The following AFAP1 variants were observed in gnomAD, a reference collection of about 807,000 sequenced individuals.
AFAP1 encodes the protein actin filament associated protein 1, also known as actin filament-associated protein 1.
In AFAP1, 75 loss-of-function variants were observed where a neutral mutation model predicts 93.9. That is an observed-to-expected ratio of 0.80 (90% confidence interval 0.66 to 0.97). The LOEUF is 0.97. Ranked by LOEUF, AFAP1 falls within the 50% of genes least tolerant of loss-of-function variation. The pLI is 0.00. For missense variants in AFAP1, 1,201 were observed against 1,050.8 expected (o/e 1.14, Z -1.98); for synonymous variants, 517 against 430.7 (o/e 1.20, Z -2.48).
intron 9 of AFAP1, among the ~76,000 whole-genome samples, chr4:7,805,912 T>C (rs1379485814): frequency 1.3e-5 from 2 of 152,180 alleles, no homozygotes; most frequent in African/African-American, 4.8e-5. Context: ...AACTTCCATC[T>C]GGTGGCCTGG....
At chr4:7,925,369 G>C (rs932879560) in intron 1 of AFAP1, among the ~76,000 whole-genome samples, 4 of 152,194 alleles carry the variant, frequency 2.6e-5, no homozygotes, top group Non-Finnish European at 4.4e-5. Flanking sequence ...CAAGGGCCTT[G>C]AAGTCAAACT....
At chr4:7,785,706 G>A (rs529552084) in intron 12 of AFAP1, among the ~76,000 whole-genome samples, 1 of 152,190 alleles carries the variant, frequency 6.6e-6, no homozygotes, top group Non-Finnish European at 1.5e-5. Flanking sequence ...AAAGTCTGAG[G>A]TGGGAGGATC....
chr4:7,819,097 C>G lies in AFAP1; in HGVS notation c.801G>C (p.Val267=). The G allele has an allele frequency of 6.2e-7, 1 of 1,613,324 alleles. No individual in the cohort carries two copies. Among genetic ancestry groups the G allele is most frequent in the Non-Finnish European group, 8.5e-7 (1 of 1,179,656 alleles). Reference sequence around the variant, plus strand: ...TTACCTTCTCCAGTTCTGCCTTGTGCACCGGGGAGCTTGGTGGAGGAGGAC... The same window carrying G: ...TTACCTTCTCCAGTTCTGCCTTGTGGACCGGGGAGCTTGGTGGAGGAGGAC... The part of the protein sequence containing the change: ...SECPPPPSSP[V]HKAELEKKLS... The change falls in exon 7 of 18, where the codon GTG becomes GTC. Residue 267 remains valine, a synonymous_variant. Coordinates refer to ENST00000420658, the MANE Select transcript of AFAP1 (RefSeq NM_001134647.2).
At chr4:7,830,950 C>T (rs1051924920) in intron 6 of AFAP1, among the ~76,000 whole-genome samples, 35 of 152,122 alleles carry the variant, frequency 2.3e-4, no homozygotes, top group Non-Finnish European at 4.3e-4. Context: ...AGATAAAAGT[C>T]GCCTTTGGGA....
intron 17 of AFAP1, among the ~76,000 whole-genome samples, chr4:7,764,724 C>G (rs775633892): frequency 3.7e-4 from 56 of 152,208 alleles, no homozygotes; most frequent in Non-Finnish European, 1.6e-4. Flanking sequence ...ACAGTGGGCA[C>G]TGGGCAGGCA....
rs1339351017 is a variant in AFAP1 at position 7,781,628 on chromosome 4, C to T, written c.1531-1G>A. On this transcript the variant is annotated splice_acceptor_variant, in intron 12 of 17. Transcript: ENST00000420658. LOFTEE classifies it high-confidence loss of function. ...CAGGAAAGCCGTCTTCCGGTTCCCA[C>T]TGCAACACACATAGCTTTGTGGTTA... is the stretch of plus-strand genomic sequence containing the variant. 5 of 1,551,706 alleles carry T rather than the reference C, an allele frequency of 3.2e-6. No individual in the cohort carries two copies. The highest frequency in any genetic ancestry group is 4.4e-6 in the Non-Finnish European group (5 of 1,146,970).
chr4:7,860,575 C>T (rs535083569), intron 3 of AFAP1, among the ~76,000 whole-genome samples: 1 of 152,244 alleles, frequency 6.6e-6, no homozygotes, highest in South Asian at 2.1e-4. Flanking sequence ...ATTGTGATTT[C>T]ACAGATGAGG....
chr4:7,880,834 A>G (rs1002225973), intron 1 of AFAP1, among the ~76,000 whole-genome samples: 2 of 152,186 alleles, frequency 1.3e-5, no homozygotes, highest in African/African-American at 4.8e-5. Context: ...AGAAAACACT[A>G]TGAACTACCC....
At chr4:7,898,110 C>T (rs1718892325) in intron 1 of AFAP1, among the ~76,000 whole-genome samples, 1 of 152,184 alleles carries the variant, frequency 6.6e-6, no homozygotes, top group African/African-American at 2.4e-5. Flanking sequence ...CTCTGGGTTA[C>T]TGGAAAAGCC....
At chr4:7,865,516 A>G (rs7378072) in intron 3 of AFAP1, among the ~76,000 whole-genome samples, 90,950 of 152,104 alleles carry the variant, frequency 0.6, 28,328 homozygotes, top group African/African-American at 0.79. Flanking sequence ...CTTAACCCAG[A>G]CTAGTTTGCC....
At chr4:7,822,926 C>A (rs1721104283) in intron 6 of AFAP1, among the ~76,000 whole-genome samples, 1 of 151,494 alleles carries the variant, frequency 6.6e-6, no homozygotes, top group South Asian at 2.1e-4. Flanking sequence ...AGGGGAACTT[C>A]TTTGGCAGCA....
chr4:7,828,038 A>G (rs1034346675), intron 6 of AFAP1, among the ~76,000 whole-genome samples: 2 of 152,242 alleles, frequency 1.3e-5, no homozygotes, highest in African/African-American at 4.8e-5. Flanking sequence ...AGGTGAATTC[A>G]GCCCGGTGAA....
At chr4:7,770,392 C>T (rs962713103) in intron 16 of AFAP1, among the ~76,000 whole-genome samples, 5 of 152,064 alleles carry the variant, frequency 3.3e-5, no homozygotes, top group African/African-American at 4.8e-5. Context: ...ATGGGAATGC[C>T]GGGGGTCACC....
chr4:7,760,646 C>CTATGAAAAAGTTGG lies in AFAP1; in HGVS notation c.*3105_*3118dup, dbSNP rs1713647775. The CTATGAAAAAGTTGG allele has an allele frequency of 6.6e-6, 1 of 152,176 alleles. No individual in the cohort carries two copies. The highest frequency in any genetic ancestry group is 1.5e-5 in the Non-Finnish European group (1 of 67,996). The allele number at this position is 152,176 out of a possible 1,614,324, so 9.4% of individuals were successfully genotyped here. Reference sequence around the variant, plus strand: ...GAGCCCTCGAATCTGATAGTTGTTTCTATGAAAAAGTTGGTCAGTGGCTTA... The same window carrying CTATGAAAAAGTTGG: ...GAGCCCTCGAATCTGATAGTTGTTTCTATGAAAAAGTTGGTATGAAAAAGTTGGTCAGTGGCTTA... On this transcript the variant is annotated 3_prime_UTR_variant, in exon 18 of 18. Transcript: ENST00000420658.
intron 1 of AFAP1, among the ~76,000 whole-genome samples, chr4:7,881,714 T>C (rs1717858025): frequency 6.6e-6 from 1 of 151,474 alleles, no homozygotes; most frequent in African/African-American, 2.4e-5. Flanking sequence ...ATCCGGGTGG[T>C]GGATTGCAGT....
At chr4:7,910,962 C>T (rs776716807) in intron 1 of AFAP1, among the ~76,000 whole-genome samples, 3 of 152,152 alleles carry the variant, frequency 2.0e-5, no homozygotes, top group Non-Finnish European at 2.9e-5. Flanking sequence ...GGTGGATCTT[C>T]TTCCTCTCAC....
chr4:7,936,946 C>T (rs1721423238), intron 1 of AFAP1, among the ~76,000 whole-genome samples: 2 of 152,122 alleles, frequency 1.3e-5, no homozygotes, highest in African/African-American at 4.8e-5. Flanking sequence ...ACTCAAGGCA[C>T]TCTCAAAATT....
chr4:7,822,410 ATAT>A (rs1721042940), intron 6 of AFAP1, among the ~76,000 whole-genome samples: 1 of 152,122 alleles, frequency 6.6e-6, no homozygotes, highest in East Asian at 1.9e-4. Flanking sequence ...CCCCACGATT[ATAT>A]TTAATAGTGT....
intron 1 of AFAP1, among the ~76,000 whole-genome samples, chr4:7,922,493 C>T (rs903302529): frequency 2.6e-5 from 4 of 152,122 alleles, no homozygotes; most frequent in East Asian, 1.9e-4. Context: ...AGAACATAGG[C>T]GAAGAAGATG....
Sources: allele counts gnomAD v4.1 joint callset (sites outside exome capture counted in the v4.1 genomes callset), GRCh38; gene constraint gnomAD v4.1.1; transcripts MANE v1.5; gene names NCBI Gene and HGNC (gene_info 2026-07-23, HGNC 2026-07-21).